The following GPI variants were observed in gnomAD, a reference collection of about 807,000 sequenced individuals.
GPI encodes glucose-6-phosphate isomerase.
A neutral mutation model predicts 75.8 loss-of-function variants in GPI; 56 were observed. The observed-to-expected ratio is 0.74, with a 90% CI of 0.60 to 0.92. The LOEUF (loss-of-function observed/expected upper bound fraction) is 0.92. GPI is among the 40% of genes least tolerant of loss of function. The pLI is 0.00. For missense variants in GPI, 638 were observed against 741.0 expected (o/e 0.86, Z 1.61); for synonymous variants, 288 against 285.4 (o/e 1.01, Z -0.09).
intron 8 of GPI, chr19:34,379,873 T>C: frequency 1.9e-6 from 1 of 525,920 alleles, no homozygotes; most frequent in Non-Finnish European, 3.4e-6. Flanking sequence ...GCCCAGCATC[T>C]CCCCAAATGT....
rs183997695 is a variant in GPI, at chr19:34,380,093, T to C, written c.750+531T>C. Among the ~76,000 whole-genome samples, 6 of 149,210 alleles carry C rather than the reference T, an allele frequency of 4.0e-5. No homozygotes were observed. In the Admixed American group the frequency reaches 4.1e-4, roughly 10 times the overall value. On this transcript the variant is annotated intron_variant, in intron 8 of 17. Transcript: ENST00000356487. ...CTCACTGCAACCTCTGCCTTCCAGG[T>C]TCAAGCGATTCTCCTGCCTTAGCCT...
intron 8 of GPI, chr19:34,380,877 C>T: frequency 4.8e-6 from 1 of 206,490 alleles, no homozygotes; most frequent in Non-Finnish European, 9.9e-6. Flanking sequence ...AGCACTGTTG[C>T]CTGCCTGCAA....
intron 9 of GPI, among the ~76,000 whole-genome samples, chr19:34,391,980 C>A (rs1242788534): frequency 1.2e-3 from 1 of 812 alleles, no homozygotes. Context: ...TGGTTCTGTT[C>A]ATGTCTGAGG....
chr19:34,379,481 T>C, intron 7 of GPI, 37 bp from the exon 8 acceptor site: 1 of 1,604,234 alleles, frequency 6.2e-7, no homozygotes, highest in African/African-American at 1.3e-5. Context: ...TTTGTCTCCC[T>C]GGGCTGGCTG....
intron 9 of GPI, chr19:34,392,360 C>G (rs574525786): frequency 2.4e-3 from 12 of 4,964 alleles, no homozygotes; most frequent in Non-Finnish European, 4.3e-3. Flanking sequence ...GGATCTGATA[C>G]AGGTATTAGG....
At chr19:34,399,395 G>A in intron 15 of GPI, 60 bp downstream of exon 15, 8 of 1,610,776 alleles carry the variant, frequency 5.0e-6, no homozygotes, top group South Asian at 1.1e-5. Context: ...TGAAGCTATG[G>A]CACCAGGCAG....
chr19:34,370,213 A>T (rs374839292), intron 4 of GPI, among the ~76,000 whole-genome samples: 2 of 152,120 alleles, frequency 1.3e-5, no homozygotes, highest in African/African-American at 4.8e-5. Flanking sequence ...CTCAGTGTCT[A>T]CCCTAGCGGT....
intron 4 of GPI, among the ~76,000 whole-genome samples, chr19:34,370,777 A>G (rs1025270484): frequency 7.9e-5 from 12 of 151,754 alleles, no homozygotes; most frequent in African/African-American, 2.9e-4. Context: ...AAATAAATAA[A>G]TCAGCTAGGT....
At position 34,378,796 on chromosome 19, in the gene GPI, G is replaced by A. The variant is rs546364560; in HGVS notation, c.634-138G>A. ...GAGCTGGAATCTCAGGAGGTTATGT[G>A]GCGTCACTGTCACTGACCTGCAAAT... On this transcript the variant is annotated intron_variant, in intron 6 of 17. Coordinates refer to ENST00000356487, the MANE Select transcript of GPI (RefSeq NM_000175.5). 2.9e-5 allele frequency: 21 copies of A among 722,748 alleles called. No homozygotes were observed. The African/African-American group carries it at 3.5e-4, about 12-fold the overall frequency. 44.8% of individuals were successfully genotyped at this position (722,748 alleles called of 1,614,324 possible).
intron 8 of GPI, among the ~76,000 whole-genome samples, chr19:34,380,206 G>A (rs1463986145): frequency 1.3e-5 from 2 of 151,862 alleles, no homozygotes; most frequent in African/African-American, 2.4e-5. Context: ...ACGTTGGCCA[G>A]GCTGGTCTCT....
chr19:34,360,583 G>A (rs2074296128), upstream of GPI, among the ~76,000 whole-genome samples: 1 of 152,072 alleles, frequency 6.6e-6, no homozygotes, highest in Non-Finnish European at 1.5e-5. Context: ...GGGTGACAGA[G>A]CGAGACACTG....
rs200733942 is a variant in GPI at position 34,379,474 on chromosome 19, G to A, written c.706-44G>A. On this transcript the variant is annotated intron_variant, in intron 7 of 17. Coordinates refer to ENST00000356487, the MANE Select transcript of GPI (RefSeq NM_000175.5). Reference sequence around the variant, plus strand: ...TAGTGATGGGAAGTGACTACCCTTTGTCTCCCTGGGCTGGCTGTGGTAACT... The same window carrying A: ...TAGTGATGGGAAGTGACTACCCTTTATCTCCCTGGGCTGGCTGTGGTAACT... 3.1e-4 allele frequency: 484 copies of A among 1,586,374 alleles called. 3 individuals carry two copies. The highest frequency in any genetic ancestry group is 2.1e-3 in the South Asian group (188 of 90,508).
chr19:34,367,163 G>A (rs1354763996), intron 3 of GPI: 1 of 466,862 alleles, frequency 2.1e-6, no homozygotes, highest in Non-Finnish European at 4.0e-6. Context: ...CTCAATGCAA[G>A]TTTTAGTAGC....
At chr19:34,372,333 A>G (rs2074467546) in intron 4 of GPI, among the ~76,000 whole-genome samples, 1 of 152,184 alleles carries the variant, frequency 6.6e-6, no homozygotes, top group Admixed American at 6.5e-5. Flanking sequence ...AAATTTTCCC[A>G]TGGCAGTTTA....
At chr19:34,373,122 C>T (rs2145342548) in intron 4 of GPI, among the ~76,000 whole-genome samples, 1 of 151,484 alleles carries the variant, frequency 6.6e-6, no homozygotes, top group East Asian at 2.0e-4. Flanking sequence ...TGCTGTGGCT[C>T]ACACCTGTAG....
intron 3 of GPI, among the ~76,000 whole-genome samples, chr19:34,367,336 T>A (rs1269491681): frequency 6.6e-6 from 1 of 152,170 alleles, no homozygotes; most frequent in Non-Finnish European, 1.5e-5. Flanking sequence ...TCTGTCCTCA[T>A]GATGTCATTA....
intron 8 of GPI, 183 bp downstream of exon 8, chr19:34,379,745 C>T (rs10410400): frequency 1.8e-5 from 13 of 705,812 alleles, no homozygotes; most frequent in Non-Finnish European, 3.1e-5. Flanking sequence ...CATTCAACCT[C>T]TGCAGCTTTG....
Position 34,400,487 on chromosome 19 carries a change from A to G in GPI, c.*451A>G. The G allele has an allele frequency of 1.9e-6, 1 of 522,352 alleles. No homozygotes were observed. The allele number at this position is 522,352 out of a possible 1,614,324, so 32.4% of individuals were successfully genotyped here. A position where few individuals can be genotyped will look rare whatever the true frequency, so the allele number is the denominator to read the frequency against. The stretch of plus-strand genomic sequence containing the variant: ...GAGCAAGGTGCCCTGAGAAGACAAT[A>G]GTGGGGTGGGGGCACAATCAGTCAG... On this transcript the variant is annotated 3_prime_UTR_variant, in exon 18 of 18. Transcript: ENST00000356487.
chr19:34,385,376 A>G (rs948001700), intron 9 of GPI, among the ~76,000 whole-genome samples: 12 of 149,974 alleles, frequency 8.0e-5, no homozygotes, highest in African/African-American at 2.5e-4. Context: ...AAAAAAAAAA[A>G]GAAAAAAGAT....
Sources: gnomAD v4.1 joint callset for allele counts (sites outside exome capture counted in the v4.1 genomes callset) on GRCh38, gnomAD v4.1.1 for gene constraint, MANE v1.5 for transcripts, NCBI Gene and HGNC (gene_info 2026-07-23, HGNC 2026-07-21) for gene names.